AGMO: variants seen among roughly 807,000 people sequenced by gnomAD.
AGMO encodes the protein alkylglycerol monooxygenase.
Under a neutral mutation model 60.2 loss-of-function variants are expected in AGMO, and 75 were observed. The observed-to-expected ratio is 1.25, with a 90% CI of 1.03 to 1.51. The LOEUF (loss-of-function observed/expected upper bound fraction) is 1.51. AGMO is among the 40% of genes most tolerant of loss of function. The probability of loss-of-function intolerance (pLI) is 0.00; values close to 1 mark genes in which losing one functional copy is unlikely to be tolerated. For synonymous variants in AGMO, 261 were observed against 177.1 expected (o/e 1.47, Z -3.76); for missense variants, 763 against 525.5 (o/e 1.45, Z -4.42).
chr7:15,509,404 A>G (rs1359672296), intron 3 of AGMO, among the ~76,000 whole-genome samples: 1 of 151,922 alleles, frequency 6.6e-6, no homozygotes, highest in Non-Finnish European at 1.5e-5. Flanking sequence ...CTGGACAATT[A>G]TCTTACACAG....
chr7:15,430,918 G>GTTGTTTT (rs1554271338), intron 4 of AGMO, 87 bp downstream of exon 4: 2 of 366,500 alleles, frequency 5.5e-6, no homozygotes, highest in African/African-American at 4.7e-5. Context: ...CCTTCTATTA[G>GTTGTTTT]TTTTTTTTTT....
At chr7:15,386,237 G>A (rs1205115280) in intron 9 of AGMO, among the ~76,000 whole-genome samples, 1 of 152,008 alleles carries the variant, frequency 6.6e-6, no homozygotes, top group Non-Finnish European at 1.5e-5. Context: ...ATGCTTCAAA[G>A]AAAAATACTA....
At chr7:15,213,026 A>C (rs1428135796) in intron 12 of AGMO, among the ~76,000 whole-genome samples, 1 of 152,032 alleles carries the variant, frequency 6.6e-6, no homozygotes, top group Non-Finnish European at 1.5e-5. Flanking sequence ...CTTGGCATTG[A>C]AAATGTATCA....
chr7:15,379,994 T>G (rs1237052525), intron 10 of AGMO, among the ~76,000 whole-genome samples: 1 of 152,080 alleles, frequency 6.6e-6, no homozygotes, highest in Non-Finnish European at 1.5e-5. Context: ...AAACTAGGTA[T>G]TGAAGGAAAT....
chr7:15,311,868 T>G (rs1040482469), intron 12 of AGMO, among the ~76,000 whole-genome samples: 2 of 152,170 alleles, frequency 1.3e-5, no homozygotes, highest in Admixed American at 6.5e-5. Flanking sequence ...TAGGGAAAAT[T>G]ATGCTAAAAA....
At chr7:15,503,436 A>G (rs1278751324) in intron 3 of AGMO, among the ~76,000 whole-genome samples, 2 of 152,112 alleles carry the variant, frequency 1.3e-5, no homozygotes, top group African/African-American at 2.4e-5. Flanking sequence ...TATTTAAAAA[A>G]TAGGCTTAGG....
chr7:15,165,021 G>A, the AGMO span, among the ~76,000 whole-genome samples: 1 of 152,150 alleles, frequency 6.6e-6, no homozygotes, highest in Non-Finnish European at 1.5e-5. Context: ...TAGAGAAAAT[G>A]TGGTACGCAT....
At chr7:15,532,506 G>T (rs1784394757) in intron 3 of AGMO, among the ~76,000 whole-genome samples, 2 of 152,138 alleles carry the variant, frequency 1.3e-5, no homozygotes, top group South Asian at 4.2e-4. Context: ...AATCCCTTAG[G>T]AATACCTAGT....
Position 15,353,274 on chromosome 7 carries a change from T to A in AGMO, c.1263+12240A>T, listed in dbSNP as rs550282353. Among the ~76,000 whole-genome samples the A allele has an allele frequency of 3.9e-5, 6 of 152,302 alleles. No individual in the cohort carries two copies. In the South Asian group the frequency reaches 1.2e-3, roughly 32 times the overall value. The stretch of plus-strand genomic sequence containing the variant: ...AGGACAGCCATGAAAAATGTAGAGA[T>A]GTGTCAACAGGGTGGAAACTGGTTC... On this transcript the variant is annotated intron_variant, in intron 12 of 12. Transcript: ENST00000342526.
chr7:15,310,076 T>G (rs1158178287), intron 12 of AGMO, among the ~76,000 whole-genome samples: 1 of 152,190 alleles, frequency 6.6e-6, no homozygotes, highest in Non-Finnish European at 1.5e-5. Flanking sequence ...CCCCACATGC[T>G]TAGTGCCTGT....
At chr7:15,253,993 C>A (rs1259197670) in intron 12 of AGMO, among the ~76,000 whole-genome samples, 1 of 151,840 alleles carries the variant, frequency 6.6e-6, no homozygotes, top group Non-Finnish European at 1.5e-5. Context: ...AACATAATGT[C>A]CTCTAGGCTT....
Position 15,561,081 on chromosome 7 carries a change from C to A in AGMO, c.126+639G>T, listed in dbSNP as rs566240591. 4.0e-5 allele frequency among the ~76,000 whole-genome samples: 6 copies of A among 151,880 alleles called. No homozygotes were observed. In the South Asian group the frequency reaches 1.0e-3, roughly 26 times the overall value. On this transcript the variant is annotated intron_variant, in intron 1 of 12. Transcript: ENST00000342526. Reference sequence around the variant, plus strand: ...CATATTCTATGATGTCATTTTTTTTCTATTTCTGCCATGAACTAGTGAGTG... The same window carrying A: ...CATATTCTATGATGTCATTTTTTTTATATTTCTGCCATGAACTAGTGAGTG...
chr7:15,470,407 T>G (rs1342836462), intron 3 of AGMO, among the ~76,000 whole-genome samples: 2 of 151,986 alleles, frequency 1.3e-5, no homozygotes, highest in Non-Finnish European at 2.9e-5. Flanking sequence ...ATCTTTCTCT[T>G]TTTTTCTGTT....
the AGMO span, among the ~76,000 whole-genome samples, chr7:15,146,855 A>C: frequency 6.6e-6 from 1 of 152,228 alleles, no homozygotes; most frequent in African/African-American, 2.4e-5. Flanking sequence ...GACAGCATAA[A>C]AAGTAGCTAA....
At chr7:15,131,483 G>A in the AGMO span, among the ~76,000 whole-genome samples, 4 of 151,798 alleles carry the variant, frequency 2.6e-5, no homozygotes, top group Admixed American at 6.6e-5. Context: ...AAATAATGGC[G>A]TGGACACCCC....
chr7:15,281,554 G>C (rs1363635320), intron 12 of AGMO, among the ~76,000 whole-genome samples: 1 of 152,132 alleles, frequency 6.6e-6, no homozygotes, highest in Non-Finnish European at 1.5e-5. Flanking sequence ...AGTGTGTCTA[G>C]GAAGTGGATC....
At chr7:15,375,152 A>G (rs1783396232) in intron 10 of AGMO, among the ~76,000 whole-genome samples, 1 of 152,088 alleles carries the variant, frequency 6.6e-6, no homozygotes, top group Non-Finnish European at 1.5e-5. Context: ...TCTGTTGTTA[A>G]CATATTATCT....
the AGMO span, among the ~76,000 whole-genome samples, chr7:15,147,941 T>C: frequency 6.6e-6 from 1 of 152,222 alleles, no homozygotes; most frequent in Non-Finnish European, 1.5e-5. Flanking sequence ...AATATGCTTG[T>C]CATAACTTCA....
intron 9 of AGMO, 121 bp downstream of exon 9, chr7:15,387,285 C>T (rs1431911577): frequency 1.3e-5 from 15 of 1,156,534 alleles, no homozygotes; most frequent in South Asian, 1.2e-4. Context: ...CACAGGACTG[C>T]ATCTGACTGG....
Sources: allele counts gnomAD v4.1 joint callset (sites outside exome capture counted in the v4.1 genomes callset), GRCh38; gene constraint gnomAD v4.1.1; transcripts MANE v1.5; gene names NCBI Gene and HGNC (gene_info 2026-07-23, HGNC 2026-07-21).